XCR1: variants seen among roughly 807,000 people sequenced by gnomAD.
The protein encoded by XCR1 is chemokine XC receptor 1.
For synonymous variants in XCR1, 187 were observed against 188.5 expected, an observed-to-expected ratio of 0.99 and a Z score of 0.06; for missense variants, 356 against 424.2, an observed-to-expected ratio of 0.84 and a Z score of 1.41.
intron 5 of XCR1, among the ~76,000 whole-genome samples, chr3:46,051,727 A>G (rs924256314): frequency 6.6e-6 from 1 of 152,226 alleles, no homozygotes. Flanking sequence ...ATCTTGTGAC[A>G]TTAAAACTAC....
In XCR1 at chr3:46,021,543, G is replaced by A. The variant is rs369074574; in HGVS notation, c.405C>T (p.Leu135=). 6.2e-7 allele frequency: 1 copy of A among 1,610,968 alleles called. No homozygotes were observed. The highest frequency in any genetic ancestry group is 1.3e-5 in the African/African-American group (1 of 74,826). ...IHRYLSVVSP[L]STLRVPTLRC... ...GGAGGGTGGGGACGCGCAGGGTGGA[G>A]AGGGGGCTCACTACCGACAGGTAGC... Residue 135 remains leucine, a synonymous_variant, in exon 2 of 2, where the codon CTC becomes CTT. Transcript: ENST00000309285. This position sits in a 1 kb window ranked among gnomAD's most constrained non-coding sequence, Gnocchi z 4.7.
intron 3 of XCR1, among the ~76,000 whole-genome samples, chr3:46,074,212 A>ATTTT (rs1384010299): frequency 1.1e-5 from 1 of 88,394 alleles, no homozygotes; most frequent in African/African-American, 7.4e-5. Flanking sequence ...ACTGAAGGCC[A>ATTTT]TCTTTTTTTT....
At position 46,045,146 on chromosome 3, in the gene XCR1, T is replaced by TG. The variant is rs555405339; in HGVS notation, c.-32+8773dup. Among the ~76,000 whole-genome samples the TG allele has an allele frequency of 2.4e-3, 360 of 151,942 alleles. 1 individual carries two copies. The highest frequency in any genetic ancestry group is 8.4e-3 in the African/African-American group (349 of 41,438). On this transcript the variant is annotated intron_variant, in intron 5 of 5. Coordinates refer to the XCR1 transcript ENST00000683768. ...AATGTATTAAAAGAATTAGGCTGGG[T>TG]GGGGTGGCCCACACCTGTAATCCCA... is the stretch of plus-strand genomic sequence containing the variant.
At chr3:46,054,720 C>A (rs1473634212) in intron 4 of XCR1, among the ~76,000 whole-genome samples, 1 of 151,978 alleles carries the variant, frequency 6.6e-6, no homozygotes, top group Admixed American at 6.6e-5. Context: ...AAATCCATCT[C>A]CCTGACCAAC....
At chr3:46,059,849 A>C (rs1697928282) in intron 4 of XCR1, among the ~76,000 whole-genome samples, 1 of 152,240 alleles carries the variant, frequency 6.6e-6, no homozygotes, top group East Asian at 1.9e-4. Flanking sequence ...ATCTATATCT[A>C]TCTTTACAAT....
chr3:46,062,506 C>A lies in XCR1; in HGVS notation c.-183+4393G>T, dbSNP rs544188360. Reference sequence around the variant, plus strand: ...TTCTATGTTACGGTCTAAGGTTCAACCTCCTGGATCCTTTTTCCTTCCCCC... The same window carrying A: ...TTCTATGTTACGGTCTAAGGTTCAAACTCCTGGATCCTTTTTCCTTCCCCC... On this transcript the variant is annotated intron_variant, in intron 4 of 5. Transcript: ENST00000683768. Among the ~76,000 whole-genome samples the A allele has an allele frequency of 8.5e-5, 13 of 152,236 alleles. No individual in the cohort carries two copies. The East Asian group carries it at 2.3e-3, about 27-fold the overall frequency.
chr3:46,053,179 A>G (rs180789150), intron 5 of XCR1, among the ~76,000 whole-genome samples: 9 of 152,246 alleles, frequency 5.9e-5, no homozygotes, highest in Non-Finnish European at 1.2e-4. Flanking sequence ...CACCAAACAC[A>G]GATTCTAGCA....
At chr3:46,068,110 A>G (rs1337677665) in intron 3 of XCR1, among the ~76,000 whole-genome samples, 1 of 152,136 alleles carries the variant, frequency 6.6e-6, no homozygotes, top group Admixed American at 6.5e-5. Flanking sequence ...GAGGCTGATA[A>G]TTTCTGTTAG....
chr3:46,034,799 C>A (rs1162544169), intron 5 of XCR1, among the ~76,000 whole-genome samples: 1 of 152,112 alleles, frequency 6.6e-6, no homozygotes, highest in Non-Finnish European at 1.5e-5. Context: ...AAGCTTAAAA[C>A]TTGTATTTGT....
At chr3:46,048,950 G>A (rs1697687013) in intron 5 of XCR1, among the ~76,000 whole-genome samples, 2 of 152,128 alleles carry the variant, frequency 1.3e-5, no homozygotes. Context: ...TGTTTTATGG[G>A]TTATAGCCCA....
At chr3:46,048,531 G>A (rs1697676882) in intron 5 of XCR1, among the ~76,000 whole-genome samples, 1 of 152,044 alleles carries the variant, frequency 6.6e-6, no homozygotes, top group Admixed American at 6.6e-5. Flanking sequence ...GTACCGGAGG[G>A]ACTGGGCCCA....
At chr3:46,071,362 AT>A (rs1448041467) in intron 3 of XCR1, among the ~76,000 whole-genome samples, 2 of 152,142 alleles carry the variant, frequency 1.3e-5, no homozygotes, top group Non-Finnish European at 1.5e-5. Context: ...CACCAGATGG[AT>A]TCACAGATGA....
At chr3:46,081,711 A>C (rs550793160) in intron 1 of XCR1, among the ~76,000 whole-genome samples, 2 of 145,906 alleles carry the variant, frequency 1.4e-5, no homozygotes, top group Non-Finnish European at 3.0e-5. Context: ...TTTTTTAAAA[A>C]TCTTATTCTA....
At chr3:46,029,293 T>A (rs79684062), upstream of XCR1, among the ~76,000 whole-genome samples, 1 of 152,166 alleles carries the variant, frequency 6.6e-6, no homozygotes, top group East Asian at 1.9e-4. Context: ...AGCTTCAATC[T>A]CCCAGGCCTA....
chr3:46,021,068 A>T lies in XCR1; in HGVS notation c.880T>A (p.Phe294Ile). ...AGAACATGTTTCAGGTGTGTGCGGA[A>T]CTTGACCCCCACGAAGACATAGAGC... Reference protein sequence around the residue: ...PVLYVFVGVKFRTHLKHVLRQ... With the variant: ...PVLYVFVGVKIRTHLKHVLRQ... Residue 294 changes from phenylalanine to isoleucine, a missense_variant, in exon 2 of 2, where the codon TTC (phenylalanine) becomes ATC (isoleucine). Coordinates refer to ENST00000309285, the MANE Select transcript of XCR1 (RefSeq NM_001024644.2). The surrounding 1 kb of genome is among the most constrained non-coding windows in gnomAD (Gnocchi z 4.7). The T allele has an allele frequency of 6.2e-7, 1 of 1,614,220 alleles. No homozygotes were observed.
Position 46,018,692 on chromosome 3 carries a change from C to T in XCR1, c.*2254G>A, listed in dbSNP as rs1186733582. ...GGCTCTTCCCTAGACCGATAAACTC[C>T]TCCAGATCTACTGCCCCATTGGCAA... On this transcript the variant is annotated 3_prime_UTR_variant, in exon 2 of 2. Transcript: ENST00000309285. 1.3e-5 allele frequency: 2 copies of T among 152,188 alleles called. No individual in the cohort carries two copies. The highest frequency in any genetic ancestry group is 1.3e-4 in the Admixed American group (2 of 15,286). 9.4% of individuals were successfully genotyped at this position (152,188 alleles called of 1,614,324 possible). A position where few individuals can be genotyped will look rare whatever the true frequency, so the allele number is the denominator to read the frequency against.
Position 46,048,764 on chromosome 3 carries a change from G to A in XCR1, c.-32+5156C>T, listed in dbSNP as rs541500633. ...TAACACTTGCCAATGTCTTTTTGCC[G>A]GAGTCTTACCATCCATACCAGGAGT... On this transcript the variant is annotated intron_variant, in intron 5 of 5. Coordinates refer to the XCR1 transcript ENST00000683768. Among the ~76,000 whole-genome samples, 30 of 152,168 alleles carry A rather than the reference G, an allele frequency of 2.0e-4. No individual in the cohort carries two copies. In the East Asian group the frequency reaches 4.1e-3, roughly 21 times the overall value.
At chr3:46,037,323 A>C (rs1697447282) in intron 5 of XCR1, among the ~76,000 whole-genome samples, 1 of 152,138 alleles carries the variant, frequency 6.6e-6, no homozygotes. Flanking sequence ...AGGAACCAGT[A>C]AATAGGGGAG....
At chr3:46,079,612 G>C (rs570910980) in intron 1 of XCR1, among the ~76,000 whole-genome samples, 18 of 151,966 alleles carry the variant, frequency 1.2e-4, no homozygotes, top group South Asian at 4.2e-4. Flanking sequence ...AAATTCCCTA[G>C]AACTTGAACC....
Sources: gnomAD v4.1 joint callset for allele counts (sites outside exome capture counted in the v4.1 genomes callset) on GRCh38, gnomAD v4.1.1 for gene constraint, Gnocchi (gnomAD v3.1) non-coding constraint, MANE v1.5 for transcripts, NCBI Gene and HGNC (gene_info 2026-07-23, HGNC 2026-07-21) for gene names.